APBB2: variants seen among roughly 807,000 people sequenced by gnomAD.
The protein encoded by APBB2 is Fe65-like 1.
A neutral mutation model predicts 82.5 loss-of-function variants in APBB2; 38 were observed. The observed-to-expected ratio is 0.46, with a 90% CI of 0.36 to 0.60. The LOEUF is 0.60. Ranked by LOEUF, APBB2 falls within the 20% of genes least tolerant of loss-of-function variation. The pLI is 0.00. For missense variants in APBB2, 772 were observed against 972.3 expected, an observed-to-expected ratio of 0.79 and a Z score of 2.74; for synonymous variants, 341 against 368.2, an observed-to-expected ratio of 0.93 and a Z score of 0.85.
intron 3 of APBB2, among the ~76,000 whole-genome samples, chr4:41,069,194 G>C (rs1354358330): frequency 6.6e-6 from 1 of 152,176 alleles, no homozygotes; most frequent in African/African-American, 2.4e-5. Flanking sequence ...ACATTTGAGA[G>C]TAAAGGCAAG....
intron 4 of APBB2, among the ~76,000 whole-genome samples, chr4:41,043,944 CA>C (rs1206321660): frequency 6.6e-6 from 1 of 152,136 alleles, no homozygotes; most frequent in African/African-American, 2.4e-5. Flanking sequence ...GAATTGCCTG[CA>C]AATTGGAGCT....
intron 6 of APBB2, among the ~76,000 whole-genome samples, chr4:40,995,143 C>T (rs923946803): frequency 2.6e-5 from 4 of 152,044 alleles, no homozygotes; most frequent in Non-Finnish European, 5.9e-5. Context: ...AAACCATGTT[C>T]CCCAAGCAAA....
intron 6 of APBB2, among the ~76,000 whole-genome samples, chr4:41,010,298 C>T (rs1807962608): frequency 6.6e-6 from 1 of 152,160 alleles, no homozygotes. Context: ...TTTGAAATAC[C>T]TATCCTCAGC....
intron 12 of APBB2, among the ~76,000 whole-genome samples, chr4:40,888,744 G>T: frequency 7.4e-6 from 1 of 134,572 alleles, no homozygotes; most frequent in Non-Finnish European, 1.6e-5. Context: ...CTCCTGCCTC[G>T]CACACATATG....
chr4:41,178,358 A>C (rs551962052), intron 1 of APBB2, among the ~76,000 whole-genome samples: 1 of 152,182 alleles, frequency 6.6e-6, no homozygotes, highest in African/African-American at 2.4e-5. Flanking sequence ...AAATCTCTAC[A>C]TACATCTACA....
chr4:41,079,035 G>A (rs933057497), intron 3 of APBB2, among the ~76,000 whole-genome samples: 1 of 152,162 alleles, frequency 6.6e-6, no homozygotes, highest in Non-Finnish European at 1.5e-5. Flanking sequence ...CATGGGTGAG[G>A]GCAATGGCAA....
Position 41,111,668 on chromosome 4 carries a change from A to C in APBB2, c.-260-10918T>G, listed in dbSNP as rs116868425. On this transcript the variant is annotated intron_variant, in intron 2 of 17. Coordinates refer to ENST00000508593, the MANE Select transcript of APBB2 (RefSeq NM_004307.2). Reference sequence around the variant, plus strand: ...ATGCTCTCTCTATATATACATGCACAAAAAAAACTGCATATTTGGACATTT... The same window carrying C: ...ATGCTCTCTCTATATATACATGCACCAAAAAAACTGCATATTTGGACATTT... 1.8e-3 allele frequency among the ~76,000 whole-genome samples: 274 copies of C among 150,194 alleles called. 1 individual carries two copies. The East Asian group carries it at 0.035, about 19-fold the overall frequency.
intron 3 of APBB2, among the ~76,000 whole-genome samples, chr4:41,082,362 G>A (rs1446503542): frequency 6.6e-6 from 1 of 152,102 alleles, no homozygotes; most frequent in Non-Finnish European, 1.5e-5. Flanking sequence ...ACATCGGGGG[G>A]TGTCCTATTT....
At chr4:40,869,766 C>A (rs989822522) in intron 12 of APBB2, among the ~76,000 whole-genome samples, 2 of 152,034 alleles carry the variant, frequency 1.3e-5, no homozygotes, top group Non-Finnish European at 2.9e-5. Context: ...GTATTAATTT[C>A]TTTGCCAATT....
At chr4:40,918,620 A>G (rs1780428420) in intron 10 of APBB2, among the ~76,000 whole-genome samples, 3 of 152,192 alleles carry the variant, frequency 2.0e-5, no homozygotes, top group Admixed American at 1.3e-4. Flanking sequence ...GAACTCAAGG[A>G]GCATGCAAAG....
chr4:40,835,158 C>T (rs375260488), intron 12 of APBB2, among the ~76,000 whole-genome samples: 1 of 151,900 alleles, frequency 6.6e-6, no homozygotes, highest in African/African-American at 2.4e-5. Context: ...CGCCTGTAGT[C>T]CCAGCTACTC....
chr4:41,202,417 G>A (rs1425246177), intron 1 of APBB2, among the ~76,000 whole-genome samples: 1 of 152,010 alleles, frequency 6.6e-6, no homozygotes, highest in East Asian at 1.9e-4. Flanking sequence ...ATCCTTTAGA[G>A]GAAACAAAAA....
At chr4:40,947,486 G>A (rs1275590456) in intron 6 of APBB2, among the ~76,000 whole-genome samples, 2 of 152,244 alleles carry the variant, frequency 1.3e-5, no homozygotes, top group Non-Finnish European at 2.9e-5. Flanking sequence ...TTCAAGTTGG[G>A]CTGATAAGGA....
chr4:41,017,400 T>C (rs1810297022), intron 5 of APBB2, among the ~76,000 whole-genome samples: 1 of 152,106 alleles, frequency 6.6e-6, no homozygotes, highest in Non-Finnish European at 1.5e-5. Flanking sequence ...ATGAAGTAGC[T>C]ACAGGTTAGC....
chr4:40,932,964 A>T (rs190735373), intron 10 of APBB2, among the ~76,000 whole-genome samples: 2 of 152,210 alleles, frequency 1.3e-5, no homozygotes, highest in South Asian at 2.1e-4. Flanking sequence ...CCTGGGTTCA[A>T]GTGATTCTCC....
At chr4:41,012,786 G>A (rs947460677) in intron 6 of APBB2, among the ~76,000 whole-genome samples, 15 of 152,084 alleles carry the variant, frequency 9.9e-5, no homozygotes, top group South Asian at 6.2e-4. Context: ...GCTTGTTTAC[G>A]CTGAATTCAG....
chr4:41,182,358 C>G (rs904734450), intron 1 of APBB2, among the ~76,000 whole-genome samples: 1 of 152,202 alleles, frequency 6.6e-6, no homozygotes, highest in Non-Finnish European at 1.5e-5. Flanking sequence ...ACATTCAGTA[C>G]CTGCCTTCTT....
intron 5 of APBB2, among the ~76,000 whole-genome samples, chr4:41,025,875 G>C (rs1233065636): frequency 1.4e-5 from 2 of 145,506 alleles, no homozygotes; most frequent in Non-Finnish European, 3.0e-5. Context: ...TTGGGGGGTG[G>C]AGGTGGCATT....
At chr4:40,969,479 T>C (rs931182127) in intron 6 of APBB2, among the ~76,000 whole-genome samples, 4 of 152,208 alleles carry the variant, frequency 2.6e-5, no homozygotes, top group African/African-American at 2.4e-5. Context: ...ACTGACAACA[T>C]AGACAACAGA....
Sources: gnomAD v4.1 joint callset for allele counts (sites outside exome capture counted in the v4.1 genomes callset) on GRCh38, gnomAD v4.1.1 for gene constraint, MANE v1.5 for transcripts, NCBI Gene and HGNC (gene_info 2026-07-23, HGNC 2026-07-21) for gene names.